The following CCDC85A variants were observed in gnomAD, a reference collection of about 807,000 sequenced individuals.
CCDC85A encodes coiled-coil domain containing 85A, also known as coiled-coil domain-containing protein 85A.
A neutral mutation model predicts 50.2 loss-of-function variants in CCDC85A; 38 were observed. The observed-to-expected ratio is 0.76, with a 90% CI of 0.58 to 0.99. CCDC85A has a LOEUF of 0.99. Among genes scored for constraint, CCDC85A ranks in the 50% least tolerant of loss-of-function variants. The pLI is 0.00. For missense variants in CCDC85A, 820 were observed against 742.0 expected (o/e 1.11, Z -1.22); for synonymous variants, 366 against 301.4 (o/e 1.21, Z -2.22).
At chr2:56,255,416 C>CA (rs1392583984) in intron 2 of CCDC85A, among the ~76,000 whole-genome samples, 1 of 152,020 alleles carries the variant, frequency 6.6e-6, no homozygotes, top group Non-Finnish European at 1.5e-5. Context: ...GAACCATTCA[C>CA]AAGGTTGAGG....
chr2:56,229,585 G>GA (rs1387441330), intron 2 of CCDC85A, among the ~76,000 whole-genome samples: 1 of 152,110 alleles, frequency 6.6e-6, no homozygotes, highest in Non-Finnish European at 1.5e-5. Flanking sequence ...AAGAAAAACA[G>GA]AAAAAGGAGA....
intron 2 of CCDC85A, among the ~76,000 whole-genome samples, chr2:56,298,542 A>G (rs1018547649): frequency 7.2e-5 from 11 of 152,114 alleles, no homozygotes; most frequent in African/African-American, 2.7e-4. Flanking sequence ...TTAAGAAAAA[A>G]CTTTCTGTTG....
At chr2:56,342,039 T>G (rs1452224836) in intron 2 of CCDC85A, among the ~76,000 whole-genome samples, 1 of 151,988 alleles carries the variant, frequency 6.6e-6, no homozygotes, top group East Asian at 1.9e-4. Context: ...TAGTTAACAT[T>G]ACAAAATAGT....
intron 3 of CCDC85A, among the ~76,000 whole-genome samples, chr2:56,355,174 C>A (rs1422850381): frequency 1.3e-5 from 2 of 152,188 alleles, no homozygotes; most frequent in Non-Finnish European, 2.9e-5. Context: ...ATTGGAGCTC[C>A]CGAGTTTTCC....
chr2:56,184,630 G>T lies in CCDC85A; in HGVS notation c.6G>T (p.Ser2=). 2 of 1,426,492 alleles carry T rather than the reference G, an allele frequency of 1.4e-6. No individual in the cohort carries two copies. The highest frequency in any genetic ancestry group is 1.8e-6 in the Non-Finnish European group (2 of 1,104,302). The allele number at this position is 1,426,492 out of a possible 1,614,324, so 88.4% of individuals were successfully genotyped here. A position where few individuals can be genotyped will look rare whatever the true frequency, so the allele number is the denominator to read the frequency against. The change falls in exon 1 of 6, where the codon TCG becomes TCT. Residue 2 remains serine (S), a synonymous_variant. Transcript: ENST00000407595. ...CCTGCCACCCCGCGGATACCATGTC[G>T]AAGGCGGCCGGAGGCGCGGCGGCGG... M[S]KAAGGAAAAA...
chr2:56,285,100 T>C (rs963567345), intron 2 of CCDC85A, among the ~76,000 whole-genome samples: 3 of 151,340 alleles, frequency 2.0e-5, no homozygotes, highest in Non-Finnish European at 2.9e-5. Flanking sequence ...TTCTTTTCTT[T>C]CTTTTTTTTT....
chr2:56,310,153 C>G (rs1293154850), intron 2 of CCDC85A, among the ~76,000 whole-genome samples: 1 of 152,128 alleles, frequency 6.6e-6, no homozygotes, highest in East Asian at 1.9e-4. Context: ...ACTGTTTAAC[C>G]TACACTTAGA....
intron 2 of CCDC85A, among the ~76,000 whole-genome samples, chr2:56,321,902 G>C (rs1400618634): frequency 2.6e-5 from 4 of 152,104 alleles, no homozygotes; most frequent in Admixed American, 6.6e-5. Flanking sequence ...ATACTACAAG[G>C]CTACAGTAAC....
intron 2 of CCDC85A, among the ~76,000 whole-genome samples, chr2:56,248,431 T>G (rs992709780): frequency 6.6e-6 from 1 of 152,130 alleles, no homozygotes; most frequent in Non-Finnish European, 1.5e-5. Flanking sequence ...AGACAGGCCC[T>G]TGGTGTCTAC....
intron 2 of CCDC85A, among the ~76,000 whole-genome samples, chr2:56,223,256 A>G (rs369615182): frequency 2.6e-5 from 4 of 152,328 alleles, no homozygotes; most frequent in South Asian, 4.1e-4. Context: ...GGGGTTAGCA[A>G]ACATTTTCTG....
intron 2 of CCDC85A, among the ~76,000 whole-genome samples, chr2:56,300,276 A>T (rs1181766384): frequency 6.6e-6 from 1 of 152,236 alleles, no homozygotes; most frequent in Non-Finnish European, 1.5e-5. Flanking sequence ...GGTAAATACC[A>T]TGTATCATGC....
chr2:56,332,143 A>T (rs1369534544), intron 2 of CCDC85A, among the ~76,000 whole-genome samples: 1 of 152,154 alleles, frequency 6.6e-6, no homozygotes, highest in East Asian at 1.9e-4. Flanking sequence ...ACCAAAAGAG[A>T]ACCTTATTAA....
At chr2:56,375,577 G>C (rs1299869017) in intron 4 of CCDC85A, among the ~76,000 whole-genome samples, 2 of 152,144 alleles carry the variant, frequency 1.3e-5, no homozygotes, top group East Asian at 3.9e-4. Flanking sequence ...ATTCCTTGGG[G>C]GTGGGGCATT....
At position 56,184,555 on chromosome 2, in the gene CCDC85A, C is replaced by G; in HGVS notation, c.-70C>G. 1 of 1,355,284 alleles carries G rather than the reference C, an allele frequency of 7.4e-7. No homozygotes were observed. 84.0% of individuals were successfully genotyped at this position (1,355,284 alleles called of 1,614,324 possible). ...ACAGGGGTGTGGGCGGAGGCGGCCT[C>G]GCCGCGCCCGCGCCTTCGGGAGTCG... is the stretch of plus-strand genomic sequence containing the variant. On this transcript the variant is annotated 5_prime_UTR_variant, in exon 1 of 6. Coordinates refer to ENST00000407595, the MANE Select transcript of CCDC85A (RefSeq NM_001080433.2).
chr2:56,201,083 C>T (rs1399029173), intron 2 of CCDC85A, among the ~76,000 whole-genome samples: 45 of 8,924 alleles, frequency 5.0e-3, no homozygotes, highest in Admixed American at 0.011. Context: ...TCTCCACACA[C>T]ACACACACAC....
At chr2:56,223,225 A>T (rs1668403423) in intron 2 of CCDC85A, among the ~76,000 whole-genome samples, 1 of 152,172 alleles carries the variant, frequency 6.6e-6, no homozygotes, top group South Asian at 2.1e-4. Flanking sequence ...AAGCTGAATC[A>T]GTCATATTTT....
intron 2 of CCDC85A, among the ~76,000 whole-genome samples, chr2:56,337,780 C>T (rs926594626): frequency 5.5e-5 from 8 of 145,200 alleles, no homozygotes; most frequent in Non-Finnish European, 1.0e-4. Context: ...AATATAGGCT[C>T]CTTTTTTTTT....
At chr2:56,272,505 C>T (rs1670742607) in intron 2 of CCDC85A, among the ~76,000 whole-genome samples, 1 of 152,170 alleles carries the variant, frequency 6.6e-6, no homozygotes, top group South Asian at 2.1e-4. Context: ...GTGATATTCT[C>T]CCCATCACCT....
intron 2 of CCDC85A, among the ~76,000 whole-genome samples, chr2:56,270,176 CAG>C: frequency 6.6e-6 from 1 of 152,120 alleles, no homozygotes; most frequent in South Asian, 2.1e-4. Context: ...TGGTAGACTC[CAG>C]AGAGTTTTGA....
Sources: allele counts gnomAD v4.1 joint callset (sites outside exome capture counted in the v4.1 genomes callset), GRCh38; gene constraint gnomAD v4.1.1; transcripts MANE v1.5; gene names NCBI Gene and HGNC (gene_info 2026-07-23, HGNC 2026-07-21).